Variants in MAST4 observed in about 807,000 individuals in gnomAD.
The protein encoded by MAST4 is microtubule associated serine/threonine kinase family member 4.
Under a neutral mutation model 162.7 loss-of-function variants are expected in MAST4, and 89 were observed. The observed-to-expected ratio is 0.55, with a 90% CI of 0.46 to 0.65. The LOEUF (loss-of-function observed/expected upper bound fraction) is 0.65, where lower values mean the gene tolerates loss of function less well. Among genes scored for constraint, MAST4 ranks in the 30% least tolerant of loss-of-function variants. MAST4 has a pLI of 0.00. For synonymous variants in MAST4, 1,479 were observed against 1,361.1 expected, an observed-to-expected ratio of 1.09 and a Z score of -1.91; for missense variants, 3,153 against 3,374.0, an observed-to-expected ratio of 0.93 and a Z score of 1.62.
chr5:67,012,252 T>G (rs1752776155), intron 4 of MAST4, among the ~76,000 whole-genome samples: 2 of 152,224 alleles, frequency 1.3e-5, no homozygotes, highest in African/African-American at 4.8e-5. Flanking sequence ...AGGAATCATT[T>G]GAATTCCTGT....
rs981842475 is a variant in MAST4, at chr5:67,029,821, C to A, written c.675-24583C>A. Among the ~76,000 whole-genome samples the A allele has an allele frequency of 5.3e-5, 8 of 152,224 alleles. No individual in the cohort carries two copies. The East Asian group carries it at 1.5e-3, about 29-fold the overall frequency. ...GGTAGGAGAAAGGAAAATATAAATT[C>A]ATTGCTGTTGACTTTATAATTTGAT... On this transcript the variant is annotated intron_variant, in intron 4 of 28. Coordinates refer to ENST00000403625, the MANE Select transcript of MAST4 (RefSeq NM_001164664.2).
intron 1 of MAST4, among the ~76,000 whole-genome samples, chr5:66,604,330 C>G (rs1158090012): frequency 2.0e-5 from 3 of 152,184 alleles, no homozygotes; most frequent in Non-Finnish European, 4.4e-5. Flanking sequence ...CCCATCAATT[C>G]CCCTCTCAGA....
intron 4 of MAST4, chr5:67,005,076 G>A: frequency 1.3e-6 from 1 of 763,700 alleles, no homozygotes; most frequent in Non-Finnish European, 2.4e-6. Context: ...AGGCTTCGGC[G>A]AACACAAAGG....
At chr5:67,151,894 C>T (rs988028210) in intron 24 of MAST4, among the ~76,000 whole-genome samples, 3 of 151,808 alleles carry the variant, frequency 2.0e-5, no homozygotes, top group Non-Finnish European at 2.9e-5. Context: ...CAGTCTCCCA[C>T]GTAGCTGGGA....
chr5:67,048,789 ATG>A (rs1257083845), intron 4 of MAST4, among the ~76,000 whole-genome samples: 5 of 151,718 alleles, frequency 3.3e-5, no homozygotes, highest in Non-Finnish European at 7.4e-5. Flanking sequence ...TAGAAAAACA[ATG>A]TGTATACCTT....
At chr5:66,952,170 G>T (rs552191534) in intron 4 of MAST4, among the ~76,000 whole-genome samples, 16 of 152,238 alleles carry the variant, frequency 1.1e-4, no homozygotes, top group African/African-American at 3.9e-4. Context: ...TGTTGTCTGG[G>T]GAAGGAAGAG....
chr5:66,728,506 G>T (rs1026415923), intron 1 of MAST4, among the ~76,000 whole-genome samples: 43 of 152,252 alleles, frequency 2.8e-4, no homozygotes, highest in African/African-American at 9.9e-4. Context: ...ATTTACTTTT[G>T]CTATAGTCCT....
At chr5:66,778,663 G>C (rs1451475975) in intron 2 of MAST4, among the ~76,000 whole-genome samples, 3 of 152,054 alleles carry the variant, frequency 2.0e-5, no homozygotes, top group Non-Finnish European at 4.4e-5. Flanking sequence ...TTGCCCTTTT[G>C]TCATATGGCA....
At chr5:67,085,731 G>T (rs183409029) in intron 5 of MAST4, among the ~76,000 whole-genome samples, 4 of 152,082 alleles carry the variant, frequency 2.6e-5, no homozygotes, top group East Asian at 1.9e-4. Context: ...ACTTAGAGTC[G>T]AAACAGCTGC....
intron 5 of MAST4, among the ~76,000 whole-genome samples, chr5:67,077,169 A>G (rs1457414922): frequency 6.6e-6 from 1 of 152,060 alleles, no homozygotes; most frequent in East Asian, 1.9e-4. Context: ...AATGGTAGAG[A>G]ACAACTTAAA....
At chr5:67,149,729 T>G in intron 24 of MAST4, 140 bp downstream of exon 24, 1 of 856,108 alleles carries the variant, frequency 1.2e-6, no homozygotes, top group South Asian at 1.7e-5. Flanking sequence ...TCTTGAGAGC[T>G]TCTGCCTGCA....
chr5:66,892,475 G>A (rs769966780), intron 3 of MAST4, among the ~76,000 whole-genome samples: 4 of 152,152 alleles, frequency 2.6e-5, no homozygotes, highest in Non-Finnish European at 5.9e-5. Context: ...AACCCATTTT[G>A]TTGGCTTTAA....
chr5:66,616,380 A>C (rs1376306475), intron 1 of MAST4, among the ~76,000 whole-genome samples: 2 of 152,198 alleles, frequency 1.3e-5, no homozygotes, highest in East Asian at 3.9e-4. Context: ...GAGATGTTCA[A>C]ATAATACATA....
intron 4 of MAST4, among the ~76,000 whole-genome samples, chr5:67,032,853 A>C (rs951737968): frequency 1.3e-5 from 2 of 152,114 alleles, no homozygotes; most frequent in Admixed American, 1.3e-4. Flanking sequence ...ACTACAAATA[A>C]CATCTAGTAG....
chr5:66,969,069 T>A (rs1026913472), intron 4 of MAST4, among the ~76,000 whole-genome samples: 1 of 152,178 alleles, frequency 6.6e-6, no homozygotes, highest in African/African-American at 2.4e-5. Context: ...ATTATTTAGT[T>A]GTCATTAAAT....
At position 67,165,527 on chromosome 5, in the gene MAST4, C is replaced by G. The variant is rs774951570; in HGVS notation, c.6348C>G (p.Ala2116=). The G allele has an allele frequency of 1.2e-6, 2 of 1,613,978 alleles. No homozygotes were observed. Among genetic ancestry groups the G allele is most frequent in the South Asian group, 2.2e-5 (2 of 91,078 alleles). The part of the protein sequence containing the change: ...SSFPSLQKDG[A]KEPERKEQPL... Reference sequence around the variant, plus strand: ...TCCCATCTTTGCAGAAAGATGGTGCCAAGGAACCTGAAAGGAAGGAGCAGC... The same window carrying G: ...TCCCATCTTTGCAGAAAGATGGTGCGAAGGAACCTGAAAGGAAGGAGCAGC... Residue 2116 remains alanine, a synonymous_variant, in exon 29 of 29, where the codon GCC becomes GCG. Transcript: ENST00000403625.
chr5:67,130,327 C>A lies in MAST4; in HGVS notation c.1863C>A (p.Ile621=), dbSNP rs1463055278. 2 of 1,613,850 alleles carry A rather than the reference C, an allele frequency of 1.2e-6. No homozygotes were observed. The highest frequency in any genetic ancestry group is 2.7e-5 in the African/African-American group (2 of 74,906). The part of the protein sequence containing the change: ...QIQQAFVERD[I]LTFAENPFVV... The stretch of plus-strand genomic sequence containing the variant: ...AGCAGGCCTTTGTGGAGCGGGATAT[C>A]CTGACTTTTGCAGAAAACCCCTTTG... The change falls in exon 15 of 29, where the codon ATC becomes ATA. Residue 621 remains isoleucine, a synonymous_variant. Transcript: ENST00000403625.
chr5:66,642,355 T>TA lies in MAST4; in HGVS notation c.363+45343dup, dbSNP rs1434420544. Among the ~76,000 whole-genome samples, 5 of 152,350 alleles carry TA rather than the reference T, an allele frequency of 3.3e-5. No homozygotes were observed. In the East Asian group the frequency reaches 9.6e-4, roughly 29 times the overall value. On this transcript the variant is annotated intron_variant, in intron 1 of 28. Coordinates refer to ENST00000403625, the MANE Select transcript of MAST4 (RefSeq NM_001164664.2). ...CATGGAAGGAGGAACCTCAACATTATAAAAAACTTAAGTGTATCAATTGTA... is the reference window on the plus strand; with the variant it reads ...CATGGAAGGAGGAACCTCAACATTATAAAAAAACTTAAGTGTATCAATTGTA...
intron 1 of MAST4, among the ~76,000 whole-genome samples, chr5:66,717,314 C>G (rs1750905985): frequency 6.6e-6 from 1 of 152,090 alleles, no homozygotes; most frequent in Non-Finnish European, 1.5e-5. Flanking sequence ...CAGGGAGATG[C>G]CTATTTCTAT....
Sources: gnomAD v4.1 joint callset for allele counts (sites outside exome capture counted in the v4.1 genomes callset) on GRCh38, gnomAD v4.1.1 for gene constraint, MANE v1.5 for transcripts, NCBI Gene and HGNC (gene_info 2026-07-23, HGNC 2026-07-21) for gene names.